USP24: variants seen among roughly 807,000 people sequenced by gnomAD.
The protein encoded by USP24 is ubiquitin carboxyl-terminal hydrolase 24.
A neutral mutation model predicts 361.6 loss-of-function variants in USP24; 97 were observed. That is an observed-to-expected ratio of 0.27 (90% CI 0.23 to 0.32). USP24 has a LOEUF of 0.32. Ranked by LOEUF, USP24 falls within the 10% of genes least tolerant of loss-of-function variation. The pLI, the probability that USP24 is intolerant of heterozygous loss-of-function variation, is 1.00. For missense variants in USP24, 2,353 were observed against 3,165.6 expected (o/e 0.74, Z 6.16); for synonymous variants, 1,098 against 1,124.6 (o/e 0.98, Z 0.47).
chr1:55,139,306 G>C (rs570175603), intron 24 of USP24, among the ~76,000 whole-genome samples: 1 of 152,154 alleles, frequency 6.6e-6, no homozygotes, highest in South Asian at 2.1e-4. Flanking sequence ...TGGGTTTCTA[G>C]GCCTATCTGT....
intron 56 of USP24, among the ~76,000 whole-genome samples, chr1:55,084,915 C>A (rs1645220194): frequency 6.6e-6 from 1 of 152,196 alleles, no homozygotes; most frequent in Non-Finnish European, 1.5e-5. Context: ...CTAACTCTGC[C>A]TTTATCCTTT....
chr1:55,093,854 A>C, intron 52 of USP24, 83 bp downstream of exon 52: 1 of 1,551,286 alleles, frequency 6.4e-7, no homozygotes, highest in South Asian at 1.2e-5. Context: ...CAACTAATCC[A>C]GCAGAAGTAC....
chr1:55,072,685 T>TTA, intron 65 of USP24, 101 bp downstream of exon 65: 1 of 1,185,726 alleles, frequency 8.4e-7, no homozygotes, highest in Middle Eastern at 2.0e-4. Flanking sequence ...CTGAAAACAC[T>TTA]TTAAGGTCAG....
chr1:55,132,662 T>C lies in USP24; in HGVS notation c.3420A>G (p.Lys1140=), dbSNP rs1008344232. The change falls in exon 31 of 68, where the codon AAA becomes AAG. Residue 1140 remains lysine, a synonymous_variant. Coordinates refer to ENST00000294383, the MANE Select transcript of USP24 (RefSeq NM_015306.3). Reference sequence around the variant, plus strand: ...GTTGCTTTGATGACAGGGATGGAGATTTTGAGGACTGAGAACTTGATTCAG... The same window carrying C: ...GTTGCTTTGATGACAGGGATGGAGACTTTGAGGACTGAGAACTTGATTCAG... ...LLSESSSQSS[K]SPSLSSKQQH... is the part of the protein sequence containing the mutation. The C allele has an allele frequency of 4.3e-6, 7 of 1,613,420 alleles. No homozygotes were observed. In the African/African-American group the frequency reaches 9.3e-5, roughly 22 times the overall value.
chr1:55,202,871 T>C (rs928680350), intron 1 of USP24, among the ~76,000 whole-genome samples: 3 of 152,216 alleles, frequency 2.0e-5, no homozygotes, highest in African/African-American at 7.2e-5. Context: ...CCCACCGTCT[T>C]TATAAACTTA....
At chr1:55,168,130 C>A (rs147370688) in intron 5 of USP24, among the ~76,000 whole-genome samples, 214 of 152,252 alleles carry the variant, frequency 1.4e-3, no homozygotes, top group Non-Finnish European at 2.7e-3. Flanking sequence ...AAACACAAGG[C>A]ACTGCAGTAT....
intron 16 of USP24, among the ~76,000 whole-genome samples, chr1:55,150,387 C>T (rs570122485): frequency 2.6e-5 from 4 of 152,246 alleles, no homozygotes; most frequent in African/African-American, 9.6e-5. Context: ...ATGCAGGGTG[C>T]AATCACTGGC....
At chr1:55,074,035 A>G in intron 63 of USP24, 129 bp from the exon 64 acceptor site, 2 of 678,712 alleles carry the variant, frequency 2.9e-6, no homozygotes, top group Non-Finnish European at 4.9e-6. Flanking sequence ...CAACTTAACT[A>G]AAAGCATGGT....
At position 55,069,172 on chromosome 1, in the gene USP24, T is replaced by C. The variant is rs145466302; in HGVS notation, c.7801-65A>G. 3.2e-6 allele frequency: 5 copies of C among 1,542,374 alleles called. No homozygotes were observed. In the African/African-American group the frequency reaches 6.8e-5, roughly 21 times the overall value. ...AGAAAAGGTTTTCTATGCTGACTTG[T>C]GTTCTGCAATTTAAACATGTCTTCA... On this transcript the variant is annotated intron_variant, in intron 67 of 67. Coordinates refer to ENST00000294383, the MANE Select transcript of USP24 (RefSeq NM_015306.3).
intron 1 of USP24, among the ~76,000 whole-genome samples, chr1:55,213,661 A>G (rs906635341): frequency 6.6e-6 from 1 of 152,170 alleles, no homozygotes; most frequent in African/African-American, 2.4e-5. Flanking sequence ...GAACTACCCA[A>G]CGAATCTGAC....
At chr1:55,198,151 TA>T (rs1298033731) in intron 1 of USP24, among the ~76,000 whole-genome samples, 2 of 44,008 alleles carry the variant, frequency 4.5e-5, no homozygotes, top group Admixed American at 4.8e-4. Context: ...ATATTAAAAA[TA>T]ATTTTTTTTT....
chr1:55,157,352 C>T lies in USP24; in HGVS notation c.1246G>A (p.Asp416Asn), dbSNP rs1380082380. Residue 416 changes from aspartate to asparagine, a missense_variant, in exon 11 of 68, where the codon GAT becomes AAT. Asp to Asn is a conservative substitution (Grantham distance 23). Around this residue, in one of 8 missense-constraint regions of USP24, gnomAD observed 386 missense variants for 560.5 expected, o/e 0.69. Transcript: ENST00000294383. ...SLKEVTKLIE[D>N]STLSKSVKNA... ...TTCACAGATTTGGATAAAGTGCTATCTTCTATTAGTTTGGTTACCTAAAAA... is the reference window on the plus strand; with the variant it reads ...TTCACAGATTTGGATAAAGTGCTATTTTCTATTAGTTTGGTTACCTAAAAA... 3 of 1,586,162 alleles carry T rather than the reference C, an allele frequency of 1.9e-6. No homozygotes were observed. The highest frequency in any genetic ancestry group is 1.2e-5 in the South Asian group (1 of 83,994).
At position 55,098,466 on chromosome 1, in the gene USP24, C is replaced by G; in HGVS notation, c.5453+10G>C. 6.2e-7 allele frequency: 1 copy of G among 1,602,498 alleles called. No homozygotes were observed. The highest frequency in any genetic ancestry group is 8.5e-7 in the Non-Finnish European group (1 of 1,170,920). On this transcript the variant is annotated intron_variant, in intron 46 of 67. Transcript: ENST00000294383. ...ATCATTTTTCCTGTGTCGGTGATAT[C>G]TTCACTCACCTGTGAGGACAGTCTT...
chr1:55,115,570 G>A (rs1027820567), intron 38 of USP24, among the ~76,000 whole-genome samples: 2 of 150,948 alleles, frequency 1.3e-5, no homozygotes, highest in African/African-American at 2.4e-5. Context: ...ACTGTTGGTG[G>A]GAGTGTAAAT....
chr1:55,171,515 A>T (rs1003780234), intron 5 of USP24, 41 bp downstream of exon 5: 2 of 1,564,632 alleles, frequency 1.3e-6, no homozygotes, highest in East Asian at 2.3e-5. Context: ...TTCTTTTTCA[A>T]TACATTTTTC....
rs571450342 is a variant in USP24, at chr1:55,066,624, T to C, written c.*2421A>G. On this transcript the variant is annotated 3_prime_UTR_variant, in exon 68 of 68. Transcript: ENST00000294383. ...GATACGGCACTCTAGTTCCTAAAACTGACTGTAGTTGTCAGTGACCGTGTG... is the reference window on the plus strand; with the variant it reads ...GATACGGCACTCTAGTTCCTAAAACCGACTGTAGTTGTCAGTGACCGTGTG... 1 of 152,284 alleles carries C rather than the reference T, an allele frequency of 6.6e-6. No individual in the cohort carries two copies. Among genetic ancestry groups the C allele is most frequent in the South Asian group, 2.1e-4 (1 of 4,824 alleles). 9.4% of individuals were successfully genotyped at this position (152,284 alleles called of 1,614,324 possible).
intron 67 of USP24, chr1:55,071,354 T>G: frequency 1.0e-6 from 1 of 991,910 alleles, no homozygotes; most frequent in Non-Finnish European, 1.2e-6. Flanking sequence ...TTTTTTTTTC[T>G]TTTTTTAAAA....
intron 7 of USP24, among the ~76,000 whole-genome samples, chr1:55,165,031 G>A (rs1203739574): frequency 6.6e-6 from 1 of 151,914 alleles, no homozygotes; most frequent in East Asian, 1.9e-4. Context: ...ATAAACACTG[G>A]GTGGCAAGAA....
intron 61 of USP24, among the ~76,000 whole-genome samples, chr1:55,077,711 A>T (rs1303469501): frequency 6.6e-6 from 1 of 152,240 alleles, no homozygotes; most frequent in African/African-American, 2.4e-5. Context: ...ATAAAATAGA[A>T]AAATGTGCCA....
Sources: gnomAD v4.1 joint callset for allele counts (sites outside exome capture counted in the v4.1 genomes callset) on GRCh38, gnomAD v4.1.1 for gene constraint, gnomAD v4.1.1 regional missense constraint, MANE v1.5 for transcripts, NCBI Gene and HGNC (gene_info 2026-07-23, HGNC 2026-07-21) for gene names.